BTD: variants seen among roughly 807,000 people sequenced by gnomAD.
BTD encodes the protein biocytinase.
BTD carries 13 observed loss-of-function variants against 17.7 expected under a neutral mutation model. The ratio of observed to expected loss-of-function variants is 0.74; its 90% CI spans 0.48 to 1.17. BTD has a LOEUF of 1.17. Among genes scored for constraint, BTD ranks in the 50% most tolerant of loss-of-function variants. The pLI is 0.00. For missense variants in BTD, 674 were observed against 650.4 expected, an observed-to-expected ratio of 1.04 and a Z score of -0.39; for synonymous variants, 240 against 245.2, an observed-to-expected ratio of 0.98 and a Z score of 0.20.
downstream of BTD, among the ~76,000 whole-genome samples, chr3:15,654,157 A>C (rs1342158503): frequency 1.3e-5 from 2 of 152,242 alleles, no homozygotes; most frequent in South Asian, 4.1e-4. Flanking sequence ...TGGCTACAAC[A>C]GTATTTGAAG....
At chr3:15,703,832 A>G (rs1474645246) in intron 3 of BTD, among the ~76,000 whole-genome samples, 1 of 152,234 alleles carries the variant, frequency 6.6e-6, no homozygotes, top group Non-Finnish European at 1.5e-5. Context: ...AAATATTTTA[A>G]AAAATTATAT....
intron 3 of BTD, among the ~76,000 whole-genome samples, chr3:15,643,849 G>C (rs1275238994): frequency 7.1e-6 from 1 of 139,988 alleles, no homozygotes; most frequent in Non-Finnish European, 1.5e-5. Context: ...TTGAGGCCAG[G>C]AGTTTGAGTC....
Position 15,651,986 on chromosome 3 carries a change from A to G in BTD, c.*6498A>G, listed in dbSNP as rs575485575. ...TTTCTGGGGTCGTTTTGTGTAACCAATAAAATATGGCAGATGCGATGGCAT... is the reference window on the plus strand; with the variant it reads ...TTTCTGGGGTCGTTTTGTGTAACCAGTAAAATATGGCAGATGCGATGGCAT... On this transcript the variant is annotated 3_prime_UTR_variant, in exon 4 of 4. Coordinates refer to ENST00000643237, the MANE Select transcript of BTD (RefSeq NM_001370658.1). Among the ~76,000 whole-genome samples the G allele has an allele frequency of 1.1e-4, 17 of 152,338 alleles. No individual in the cohort carries two copies. The highest frequency in any genetic ancestry group is 9.8e-4 in the Admixed American group (15 of 15,304).
In BTD at chr3:15,605,276, C is replaced by T. The variant is rs571861863; in HGVS notation, c.-17+3382C>T. ...AGGAGCAAAGGCACGTCTTACATGG[C>T]GACAGGCAAGAGAGTGTGTGCAGGG... On this transcript the variant is annotated intron_variant, in intron 1 of 3. Transcript: ENST00000643237. 6.7e-4 allele frequency among the ~76,000 whole-genome samples: 102 copies of T among 152,270 alleles called. No individual in the cohort carries two copies. The South Asian group carries it at 0.015, about 22-fold the overall frequency.
At chr3:15,708,136 T>G (rs1343442403) in intron 3 of BTD, 1 of 1,480,976 alleles carries the variant, frequency 6.8e-7, no homozygotes, top group Non-Finnish European at 9.2e-7. Flanking sequence ...CATAGTTGAC[T>G]CTTACTCCTC....
intron 3 of BTD, chr3:15,668,541 T>C (rs1036523890): frequency 6.6e-6 from 1 of 152,488 alleles, no homozygotes; most frequent in Non-Finnish European, 1.5e-5. Context: ...AATCTAGTAG[T>C]CAATGCCCTA....
chr3:15,649,777 C>T lies in BTD; in HGVS notation c.*4289C>T, dbSNP rs931819364. On this transcript the variant is annotated 3_prime_UTR_variant, in exon 4 of 4. Coordinates refer to ENST00000643237, the MANE Select transcript of BTD (RefSeq NM_001370658.1). ...TTCCACTTTTTGAACTGGTGTTTCC[C>T]ATTCCCAGTTCACAGAGCCCTTTCT... Among the ~76,000 whole-genome samples the T allele has an allele frequency of 1.3e-5, 2 of 152,190 alleles. No individual in the cohort carries two copies. Among genetic ancestry groups the T allele is most frequent in the Non-Finnish European group, 2.9e-5 (2 of 68,042 alleles).
chr3:15,700,928 A>G (rs1344264786), intron 3 of BTD, among the ~76,000 whole-genome samples: 1 of 152,232 alleles, frequency 6.6e-6, no homozygotes, highest in Non-Finnish European at 1.5e-5. Context: ...AGCCAGCTAA[A>G]TAATCTAAAG....
At chr3:15,691,134 T>G (rs902176798) in intron 3 of BTD, among the ~76,000 whole-genome samples, 1 of 151,802 alleles carries the variant, frequency 6.6e-6, no homozygotes, top group Non-Finnish European at 1.5e-5. Context: ...TCTTTTTTTT[T>G]TTTTTTTGAG....
chr3:15,703,475 T>C (rs2070916156), intron 3 of BTD, among the ~76,000 whole-genome samples: 1 of 152,186 alleles, frequency 6.6e-6, no homozygotes, highest in Non-Finnish European at 1.5e-5. Flanking sequence ...ATTAGTGTCC[T>C]TATAAATAAG....
chr3:15,715,804 CACATCAGTGCT>C (rs2072937453), downstream of BTD, among the ~76,000 whole-genome samples: 1 of 151,984 alleles, frequency 6.6e-6, no homozygotes, highest in African/African-American at 2.4e-5. Flanking sequence ...ACTCAGATAA[CACATCAGTGCT>C]TCTCAGGATA....
chr3:15,695,515 A>T (rs771540311), intron 3 of BTD, among the ~76,000 whole-genome samples: 1 of 152,126 alleles, frequency 6.6e-6, no homozygotes, highest in Non-Finnish European at 1.5e-5. Context: ...CGCTCGTTGA[A>T]TTTTATTTCC....
intron 1 of BTD, among the ~76,000 whole-genome samples, chr3:15,615,411 T>C (rs965204666): frequency 5.3e-5 from 8 of 152,182 alleles, no homozygotes; most frequent in Admixed American, 4.6e-4. Flanking sequence ...ATCCTTTCAA[T>C]AAAGGAATCA....
chr3:15,722,179 TAA>T (rs2073804056), exon 5 of BTD, among the ~76,000 whole-genome samples: 1 of 152,186 alleles, frequency 6.6e-6, no homozygotes, highest in Non-Finnish European at 1.5e-5. Context: ...ATATTCCTGA[TAA>T]AAGAGTCTCT....
exon 4 of BTD, among the ~76,000 whole-genome samples, chr3:15,711,789 C>A (rs1248849783): frequency 6.6e-6 from 1 of 151,776 alleles, no homozygotes; most frequent in Non-Finnish European, 1.5e-5. Flanking sequence ...TGGGTTCAAG[C>A]GATTCTCCTG....
exon 4 of BTD, among the ~76,000 whole-genome samples, chr3:15,711,055 A>G (rs1333838423): frequency 1.3e-5 from 2 of 152,152 alleles, no homozygotes; most frequent in East Asian, 3.8e-4. Flanking sequence ...GATGAAAAAA[A>G]GTATTCTGCC....
chr3:15,649,415 T>C lies in BTD; in HGVS notation c.*3927T>C, dbSNP rs1359188227. Among the ~76,000 whole-genome samples the C allele has an allele frequency of 6.6e-6, 1 of 152,238 alleles. No individual in the cohort carries two copies. Among genetic ancestry groups the C allele is most frequent in the African/African-American group, 2.4e-5 (1 of 41,462 alleles). Reference sequence around the variant, plus strand: ...ATGGAAAGAGACAGAGGGTGTTAGATGCCCAGAGGTGAACCTCATTGGGTA... The same window carrying C: ...ATGGAAAGAGACAGAGGGTGTTAGACGCCCAGAGGTGAACCTCATTGGGTA... On this transcript the variant is annotated 3_prime_UTR_variant, in exon 4 of 4. Coordinates refer to ENST00000643237, the MANE Select transcript of BTD (RefSeq NM_001370658.1).
In BTD at chr3:15,696,687, AC is replaced by A. The variant is rs577538111; in HGVS notation, c.400-13372del. 2.8e-3 allele frequency among the ~76,000 whole-genome samples: 431 copies of A among 152,296 alleles called. 2 individuals are homozygous for A. Among genetic ancestry groups the A allele is most frequent in the Middle Eastern group, 0.01 (3 of 294 alleles). Reference sequence around the variant, plus strand: ...AGCTCAAGAAAGGATGTTAAACAAAACAAAACCTCAAGAAACCAAGGTCAGA... The same window carrying A: ...AGCTCAAGAAAGGATGTTAAACAAAAAAAACCTCAAGAAACCAAGGTCAGA... On this transcript the variant is annotated intron_variant, in intron 3 of 3. Coordinates refer to the BTD transcript ENST00000672141.
At chr3:15,630,031 C>G in intron 1 of BTD, 1 of 985,372 alleles carries the variant, frequency 1.0e-6, no homozygotes, top group Non-Finnish European at 1.2e-6. Context: ...CGCTGTGTGT[C>G]ACAGGGGGAA....
Sources: allele counts gnomAD v4.1 joint callset (sites outside exome capture counted in the v4.1 genomes callset), GRCh38; gene constraint gnomAD v4.1.1; transcripts MANE v1.5; gene names NCBI Gene and HGNC (gene_info 2026-07-23, HGNC 2026-07-21).